PDCD6IP: variants seen among roughly 807,000 people sequenced by gnomAD.
PDCD6IP encodes the protein programmed cell death 6-interacting protein.
PDCD6IP carries 43 observed loss-of-function variants against 103.7 expected under a neutral mutation model. That is an observed-to-expected ratio of 0.41 (90% CI 0.32 to 0.53). The LOEUF (loss-of-function observed/expected upper bound fraction) is 0.53. Ranked by LOEUF, PDCD6IP falls within the 20% of genes least tolerant of loss-of-function variation. The pLI is 0.16. For synonymous variants in PDCD6IP, 354 were observed against 378.7 expected, an observed-to-expected ratio of 0.93 and a Z score of 0.76; for missense variants, 871 against 1,036.7, an observed-to-expected ratio of 0.84 and a Z score of 2.20.
chr3:33,864,663 G>GT (rs780214170), intron 16 of PDCD6IP, among the ~76,000 whole-genome samples: 2 of 152,144 alleles, frequency 1.3e-5, no homozygotes, highest in Non-Finnish European at 2.9e-5. Context: ...AATAGCATTA[G>GT]TTTTTTAAGG....
chr3:33,851,349 G>C (rs751931808), intron 12 of PDCD6IP, among the ~76,000 whole-genome samples: 7 of 151,872 alleles, frequency 4.6e-5, no homozygotes, highest in Non-Finnish European at 7.4e-5. Context: ...GAGTGAAAGG[G>C]GCAGCTTGAA....
chr3:33,842,222 T>G (rs1697492878), intron 10 of PDCD6IP, 148 bp downstream of exon 10: 1 of 530,344 alleles, frequency 1.9e-6, no homozygotes, highest in Non-Finnish European at 3.4e-6. Context: ...GAGCCTTCTC[T>G]TTAGCATAAG....
At chr3:33,813,715 T>A (rs1177993272) in intron 3 of PDCD6IP, 87 bp downstream of exon 3, 6 of 752,032 alleles carry the variant, frequency 8.0e-6, no homozygotes, top group Non-Finnish European at 1.4e-5. Flanking sequence ...TCCTAATGAC[T>A]CTTTGTAAAT....
intron 12 of PDCD6IP, among the ~76,000 whole-genome samples, chr3:33,850,470 T>G (rs778962203): frequency 2.0e-5 from 3 of 152,114 alleles, no homozygotes; most frequent in Non-Finnish European, 2.9e-5. Flanking sequence ...AGTAACCATA[T>G]TCGTTAGTTT....
chr3:33,805,303 C>T (rs1295064617), intron 1 of PDCD6IP, among the ~76,000 whole-genome samples: 2 of 146,980 alleles, frequency 1.4e-5, no homozygotes, highest in African/African-American at 2.5e-5. Flanking sequence ...TGCAGTGAGC[C>T]GAGATCACAC....
At chr3:33,839,941 G>C (rs9842672) in intron 9 of PDCD6IP, among the ~76,000 whole-genome samples, 44,796 of 152,012 alleles carry the variant, frequency 0.29, 6,848 homozygotes, top group East Asian at 0.41. Flanking sequence ...GTTTTTAAAA[G>C]TGAGTTTTTC....
rs373616688 is a variant in PDCD6IP at position 33,855,868 on chromosome 3, A to G, written c.2120+608A>G. ...CCATGAGCTAAACAAAAACAACAAC[A>G]ACAACAAATGTAAGGAGGCAATCAT... On this transcript the variant is annotated intron_variant, in intron 15 of 17. Coordinates refer to ENST00000307296, the MANE Select transcript of PDCD6IP (RefSeq NM_013374.6). 3.3e-5 allele frequency among the ~76,000 whole-genome samples: 5 copies of G among 152,206 alleles called. No homozygotes were observed. The South Asian group carries it at 6.2e-4, about 19-fold the overall frequency.
chr3:33,818,404 G>T (rs1026437957), intron 3 of PDCD6IP, among the ~76,000 whole-genome samples: 25 of 150,540 alleles, frequency 1.7e-4, no homozygotes, highest in African/African-American at 5.6e-4. Context: ...CACCACGCCT[G>T]GCTGATATTT....
intron 1 of PDCD6IP, among the ~76,000 whole-genome samples, chr3:33,807,550 C>T (rs1454362496): frequency 2.1e-5 from 3 of 145,612 alleles, no homozygotes; most frequent in East Asian, 2.3e-4. Context: ...ATCTCACCTA[C>T]GGCCCCCTGG....
At chr3:33,848,472 T>C (rs1697644308) in intron 12 of PDCD6IP, among the ~76,000 whole-genome samples, 1 of 152,032 alleles carries the variant, frequency 6.6e-6, no homozygotes, top group South Asian at 2.1e-4. Flanking sequence ...TGGCGCAATC[T>C]TGGCTCACTG....
intron 11 of PDCD6IP, 58 bp from the exon 12 acceptor site, chr3:33,845,361 C>G: frequency 7.5e-7 from 1 of 1,324,662 alleles, no homozygotes. Flanking sequence ...TATAACCAGC[C>G]GATAAACGTT....
chr3:33,799,889 G>A (rs1575892205), intron 1 of PDCD6IP, among the ~76,000 whole-genome samples: 1 of 151,900 alleles, frequency 6.6e-6, no homozygotes, highest in African/African-American at 2.4e-5. Flanking sequence ...GGGAGGCCGA[G>A]GCGGGCGGAT....
chr3:33,813,072 G>T (rs529598440), intron 2 of PDCD6IP, among the ~76,000 whole-genome samples: 3 of 151,602 alleles, frequency 2.0e-5, no homozygotes, highest in Non-Finnish European at 4.4e-5. Context: ...AACAAATCAC[G>T]GGTATAGCTT....
chr3:33,820,589 C>T (rs566060898), intron 3 of PDCD6IP, among the ~76,000 whole-genome samples: 1 of 152,258 alleles, frequency 6.6e-6, no homozygotes, highest in African/African-American at 2.4e-5. Context: ...CCCTGATAAC[C>T]ATCATTCTGA....
At chr3:33,859,095 C>A (rs1298089284) in intron 15 of PDCD6IP, among the ~76,000 whole-genome samples, 1 of 152,054 alleles carries the variant, frequency 6.6e-6, no homozygotes, top group Admixed American at 6.6e-5. Flanking sequence ...TAGACAAAGA[C>A]AGAATAGAAA....
intron 15 of PDCD6IP, among the ~76,000 whole-genome samples, chr3:33,861,461 C>T (rs921185470): frequency 6.6e-6 from 1 of 152,054 alleles, no homozygotes; most frequent in African/African-American, 2.4e-5. Flanking sequence ...TTTATACTTA[C>T]AACACATCTC....
intron 1 of PDCD6IP, among the ~76,000 whole-genome samples, chr3:33,800,704 A>G (rs1312471313): frequency 6.6e-6 from 1 of 152,260 alleles, no homozygotes; most frequent in African/African-American, 2.4e-5. Context: ...TGTAGGCATG[A>G]ATAGCATTCA....
intron 9 of PDCD6IP, among the ~76,000 whole-genome samples, chr3:33,839,414 T>C (rs1267549617): frequency 6.6e-6 from 1 of 152,236 alleles, no homozygotes; most frequent in Non-Finnish European, 1.5e-5. Flanking sequence ...ATTATGTGTA[T>C]CAGTTTCAGT....
chr3:33,835,187 T>TA, intron 7 of PDCD6IP: 9 of 453,832 alleles, frequency 2.0e-5, no homozygotes, highest in East Asian at 7.0e-5. Flanking sequence ...AGGCCAAACT[T>TA]AAAAAAAAAT....
Sources: allele counts gnomAD v4.1 joint callset (sites outside exome capture counted in the v4.1 genomes callset), GRCh38; gene constraint gnomAD v4.1.1; transcripts MANE v1.5; gene names NCBI Gene and HGNC (gene_info 2026-07-23, HGNC 2026-07-21).